FAM78B: variants seen among roughly 807,000 people sequenced by gnomAD.
FAM78B encodes family with sequence similarity 78 member B.
A neutral mutation model predicts 20.0 loss-of-function variants in FAM78B; 10 were observed. The observed-to-expected ratio is 0.50, with a 90% CI of 0.31 to 0.85. The LOEUF is 0.85. Ranked by LOEUF, FAM78B falls within the 40% of genes least tolerant of loss-of-function variation. The pLI, the probability that FAM78B is intolerant of heterozygous loss-of-function variation, is 0.05. For missense variants in FAM78B, 283 were observed against 345.0 expected (o/e 0.82, Z 1.42); for synonymous variants, 135 against 132.8 (o/e 1.02, Z -0.12).
chr1:166,129,501 AGT>A lies in FAM78B; in HGVS notation c.263+36483_263+36484del, dbSNP rs559082502. ...CACTCATGTGCCTTTTCTCCCAGGA[AGT>A]GTGTGAGACCTTTTCAGGCATGGAT... On this transcript the variant is annotated intron_variant, in intron 1 of 1. Transcript: ENST00000354422. 6.7e-4 allele frequency among the ~76,000 whole-genome samples: 102 copies of A among 152,318 alleles called. 1 individual carries two copies. Among genetic ancestry groups the A allele is most frequent in the Middle Eastern group, 3.4e-3 (1 of 294 alleles).
intron 1 of FAM78B, among the ~76,000 whole-genome samples, chr1:166,106,493 A>G (rs1306154279): frequency 1.3e-5 from 2 of 152,206 alleles, no homozygotes; most frequent in East Asian, 3.8e-4. Flanking sequence ...ATACTATACA[A>G]TATACAAAAG....
At chr1:166,058,717 T>A (rs1175143812) in exon 3 of FAM78B, 1 of 152,462 alleles carries the variant, frequency 6.6e-6, no homozygotes, top group Non-Finnish European at 1.5e-5. Flanking sequence ...TCTCTATAGA[T>A]CTAGATGGTT....
intron 1 of FAM78B, among the ~76,000 whole-genome samples, chr1:166,135,095 C>T (rs564221602): frequency 2.4e-4 from 37 of 152,292 alleles, no homozygotes; most frequent in South Asian, 8.3e-4. Context: ...GGTCCCTACA[C>T]GTTCCCTGAA....
At chr1:166,078,167 G>T (rs147248688) in intron 1 of FAM78B, among the ~76,000 whole-genome samples, 3,178 of 151,624 alleles carry the variant, frequency 0.021, 104 homozygotes, top group African/African-American at 0.072. Context: ...GAGTAGCTGG[G>T]ACTACAGGCA....
chr1:166,132,526 T>C (rs1654913424), intron 1 of FAM78B, among the ~76,000 whole-genome samples: 1 of 152,230 alleles, frequency 6.6e-6, no homozygotes, highest in Non-Finnish European at 1.5e-5. Flanking sequence ...AAGTGGCTTG[T>C]GAATGTCAAC....
intron 1 of FAM78B, among the ~76,000 whole-genome samples, chr1:166,157,085 G>C (rs1464422655): frequency 2.8e-5 from 4 of 144,024 alleles, no homozygotes; most frequent in African/African-American, 7.6e-5. Flanking sequence ...ACAGAAAACA[G>C]CCCTGGCTCC....
At chr1:166,067,530 G>A (rs1651844305), downstream of FAM78B, among the ~76,000 whole-genome samples, 1 of 152,158 alleles carries the variant, frequency 6.6e-6, no homozygotes, top group South Asian at 2.1e-4. Context: ...GGCTGGATGG[G>A]AGGGCAGAGG....
At chr1:166,106,103 A>G (rs1463299261) in intron 1 of FAM78B, among the ~76,000 whole-genome samples, 2 of 151,584 alleles carry the variant, frequency 1.3e-5, no homozygotes, top group Admixed American at 6.6e-5. Flanking sequence ...AAGTATCACA[A>G]GGACGAAAAA....
At position 166,166,273 on chromosome 1, in the gene FAM78B, G is replaced by A. The variant is rs1232338824; in HGVS notation, c.-25C>T. On this transcript the variant is annotated 5_prime_UTR_variant, in exon 1 of 2. Transcript: ENST00000354422. ...TCCTGCAGCCCGGTGCCGGCACGGC[G>A]CGGCGTGGGGCAGCGCGGGGGCCCG... 1.9e-5 allele frequency: 24 copies of A among 1,281,216 alleles called. No homozygotes were observed. Among genetic ancestry groups the A allele is most frequent in the Non-Finnish European group, 2.2e-5 (22 of 1,011,572 alleles). 79.4% of individuals were successfully genotyped at this position (1,281,216 alleles called of 1,614,324 possible). A position where few individuals can be genotyped will look rare whatever the true frequency, so the allele number is the denominator to read the frequency against.
intron 1 of FAM78B, among the ~76,000 whole-genome samples, chr1:166,074,201 T>C (rs370587128): frequency 1.3e-5 from 2 of 152,206 alleles, no homozygotes; most frequent in East Asian, 1.9e-4. Flanking sequence ...TAACAGGACA[T>C]ACATGGCTCT....
In FAM78B at chr1:166,148,415, G is replaced by T. The variant is rs1247460159; in HGVS notation, c.263+17571C>A. Reference sequence around the variant, plus strand: ...CCTAGCTTTGGAATTATTCTAACCTGGTGTTATATTCTGATTCTGGCACTG... The same window carrying T: ...CCTAGCTTTGGAATTATTCTAACCTTGTGTTATATTCTGATTCTGGCACTG... On this transcript the variant is annotated intron_variant, in intron 1 of 1. Transcript: ENST00000354422. Among the ~76,000 whole-genome samples, 4 of 152,262 alleles carry T rather than the reference G, an allele frequency of 2.6e-5. No individual in the cohort carries two copies. The East Asian group carries it at 7.7e-4, about 29-fold the overall frequency.
At chr1:166,124,734 G>A (rs747260837) in intron 1 of FAM78B, among the ~76,000 whole-genome samples, 6 of 152,208 alleles carry the variant, frequency 3.9e-5, no homozygotes, top group Non-Finnish European at 8.8e-5. Flanking sequence ...ATGAAATACT[G>A]TCTGACAGAA....
intron 1 of FAM78B, among the ~76,000 whole-genome samples, chr1:166,164,212 C>G (rs373717994): frequency 6.6e-6 from 1 of 152,252 alleles, no homozygotes; most frequent in Non-Finnish European, 1.5e-5. Flanking sequence ...TCTGCACAGT[C>G]ACTCCTGGCT....
chr1:166,146,666 G>A (rs1170690538), intron 1 of FAM78B, among the ~76,000 whole-genome samples: 2 of 152,166 alleles, frequency 1.3e-5, no homozygotes, highest in Non-Finnish European at 2.9e-5. Flanking sequence ...TGGGTCAAGG[G>A]CGGCACATTA....
intron 2 of FAM78B, among the ~76,000 whole-genome samples, chr1:166,063,517 A>G (rs959305777): frequency 1.3e-4 from 20 of 152,176 alleles, no homozygotes; most frequent in Admixed American, 1.1e-3. Flanking sequence ...ACTGGATCTT[A>G]TGAGACCAGC....
At position 166,166,274 on chromosome 1, in the gene FAM78B, C is replaced by G; in HGVS notation, c.-26G>C. 7.8e-7 allele frequency: 1 copy of G among 1,280,514 alleles called. No individual in the cohort carries two copies. Among genetic ancestry groups the G allele is most frequent in the Non-Finnish European group, 9.9e-7 (1 of 1,011,124 alleles). 79.3% of individuals were successfully genotyped at this position (1,280,514 alleles called of 1,614,324 possible). ...CCTGCAGCCCGGTGCCGGCACGGCG[C>G]GGCGTGGGGCAGCGCGGGGGCCCGC... On this transcript the variant is annotated 5_prime_UTR_variant, in exon 1 of 2. Coordinates refer to ENST00000354422, the MANE Select transcript of FAM78B (RefSeq NM_001017961.5).
At chr1:166,074,799 T>G (rs1442975391) in intron 1 of FAM78B, among the ~76,000 whole-genome samples, 2 of 152,242 alleles carry the variant, frequency 1.3e-5, no homozygotes, top group Non-Finnish European at 2.9e-5. Flanking sequence ...TGAATGTATT[T>G]TAGTGACTAC....
At chr1:166,057,925 T>A (rs1466164366) in exon 3 of FAM78B, 1 of 151,988 alleles carries the variant, frequency 6.6e-6, no homozygotes, top group Non-Finnish European at 1.5e-5. Flanking sequence ...AGATCTAAAT[T>A]AATTTAGCTA....
In FAM78B at chr1:166,145,738, T is replaced by C. The variant is rs978646129; in HGVS notation, c.263+20248A>G. On this transcript the variant is annotated intron_variant, in intron 1 of 1. Coordinates refer to ENST00000354422, the MANE Select transcript of FAM78B (RefSeq NM_001017961.5). ...AGCCCATCCACGCAAGCTTTTCAAA[T>C]GAAAGGTGACTAACACTTTTTCTTG... is the stretch of plus-strand genomic sequence containing the variant. Among the ~76,000 whole-genome samples, 3 of 152,224 alleles carry C rather than the reference T, an allele frequency of 2.0e-5. No homozygotes were observed. In the South Asian group the frequency reaches 6.2e-4, roughly 32 times the overall value.
Sources: gnomAD v4.1 joint callset for allele counts (sites outside exome capture counted in the v4.1 genomes callset) on GRCh38, gnomAD v4.1.1 for gene constraint, MANE v1.5 for transcripts, NCBI Gene and HGNC (gene_info 2026-07-23, HGNC 2026-07-21) for gene names.